The following BZW2 variants were observed in gnomAD, a reference collection of about 807,000 sequenced individuals.
BZW2 encodes the protein basic leucine zipper and W2 domains 2, also known as eIF5-mimic protein 1.
Under a neutral mutation model 53.2 loss-of-function variants are expected in BZW2, and 23 were observed. That is an observed-to-expected ratio of 0.43 (90% CI 0.31 to 0.61). BZW2 has a LOEUF of 0.61. Among genes scored for constraint, BZW2 ranks in the 20% least tolerant of loss-of-function variants. The pLI is 0.09. For synonymous variants in BZW2, 227 were observed against 186.4 expected, an observed-to-expected ratio of 1.22 and a Z score of -1.77; for missense variants, 409 against 503.1, an observed-to-expected ratio of 0.81 and a Z score of 1.79.
chr7:16,701,747 G>T (rs1287066636), intron 10 of BZW2, among the ~76,000 whole-genome samples: 1 of 151,988 alleles, frequency 6.6e-6, no homozygotes, highest in Non-Finnish European at 1.5e-5. Context: ...GTGTTGAATC[G>T]ATACTATAGG....
intron 2 of BZW2, 93 bp from the exon 3 acceptor site, chr7:16,674,319 C>G (rs777968073): frequency 3.0e-6 from 3 of 993,658 alleles, no homozygotes; most frequent in Non-Finnish European, 4.2e-6. Context: ...TTTTTTTTTC[C>G]TATCTTAGAT....
intron 2 of BZW2, among the ~76,000 whole-genome samples, chr7:16,672,574 G>C (rs958402891): frequency 6.6e-6 from 1 of 151,704 alleles, no homozygotes; most frequent in Non-Finnish European, 1.5e-5. Context: ...TGAAGTTTTG[G>C]GTTCATCCTT....
chr7:16,691,063 A>G (rs1302481475), intron 7 of BZW2, among the ~76,000 whole-genome samples: 3 of 152,242 alleles, frequency 2.0e-5, no homozygotes, highest in African/African-American at 7.2e-5. Context: ...AATACTTGCA[A>G]TTTAAATCAC....
At chr7:16,669,527 GTA>G (rs1782537337) in intron 2 of BZW2, among the ~76,000 whole-genome samples, 1 of 152,164 alleles carries the variant, frequency 6.6e-6, no homozygotes. Flanking sequence ...GCAAATATGA[GTA>G]TGTGTATATA....
chr7:16,689,906 T>A lies in BZW2; in HGVS notation c.651T>A (p.Leu217=). Residue 217 remains leucine, a splice_region_variant and synonymous_variant, in exon 7 of 12, where the codon CTT becomes CTA. Coordinates refer to ENST00000258761, the MANE Select transcript of BZW2 (RefSeq NM_014038.3). ...AAGCCAACTTAGACAAGAGGCTGCT[T>A]GTAAGTGTTTTCTGGTTAAAGAGTT... ...LRKANLDKRL[L]ELFPVNRQSV... 2 of 1,607,594 alleles carry A rather than the reference T, an allele frequency of 1.2e-6. No individual in the cohort carries two copies. Among genetic ancestry groups the A allele is most frequent in the South Asian group, 2.2e-5 (2 of 90,042 alleles).
intron 2 of BZW2, among the ~76,000 whole-genome samples, chr7:16,666,828 T>C (rs1782443830): frequency 6.6e-6 from 1 of 152,160 alleles, no homozygotes; most frequent in African/African-American, 2.4e-5. Context: ...AAGGTCTTGC[T>C]ATGTTGTTGA....
rs757033515 is a variant in BZW2, at chr7:16,698,089, G to C, written c.1011G>C (p.Gln337His). ...PLLAVFSSQG[Q>H]SELILLQKVQ... The stretch of plus-strand genomic sequence containing the variant: ...TGGCCGTGTTCAGCTCCCAAGGCCA[G>C]TCAGAGCTGATCCTCCTCCAGAAGG... The change falls in exon 10 of 12, where the codon CAG becomes CAC. Residue 337 changes from glutamine to histidine, a missense_variant. This residue lies in a region of BZW2 where 88 missense variants were observed against 114.6 expected (regional missense o/e 0.77). Transcript: ENST00000258761. 1.2e-6 allele frequency: 2 copies of C among 1,614,068 alleles called. No individual in the cohort carries two copies. Among genetic ancestry groups the C allele is most frequent in the Non-Finnish European group, 1.7e-6 (2 of 1,180,018 alleles).
chr7:16,689,780 CT>C lies in BZW2; in HGVS notation c.542-13del. The C allele has an allele frequency of 6.3e-7, 1 of 1,588,062 alleles. No homozygotes were observed. Among genetic ancestry groups the C allele is most frequent in the Non-Finnish European group, 8.6e-7 (1 of 1,164,260 alleles). On this transcript the variant is annotated splice_polypyrimidine_tract_variant and intron_variant, in intron 6 of 11. Coordinates refer to ENST00000258761, the MANE Select transcript of BZW2 (RefSeq NM_014038.3). ...TTGCTCGTAAAAGGAATGAAATTCT[CT>C]TTTGTTTTTCAACAGGCATTGCGGC...
chr7:16,671,144 T>C (rs1340910010), intron 2 of BZW2, among the ~76,000 whole-genome samples: 1 of 152,216 alleles, frequency 6.6e-6, no homozygotes, highest in East Asian at 1.9e-4. Flanking sequence ...ATGCCTTTTC[T>C]ACTATGGAAA....
chr7:16,674,605 C>T lies in BZW2; in HGVS notation c.235+17C>T, dbSNP rs143752887. ...GTATGCTTGGTAAACCATGCATTAT[C>T]GCTTCTTGTAGTATATTTATATATT... On this transcript the variant is annotated intron_variant, in intron 3 of 11. Transcript: ENST00000258761. The T allele has an allele frequency of 1.9e-5, 29 of 1,537,102 alleles. No homozygotes were observed. The Admixed American group carries it at 2.8e-4, about 15-fold the overall frequency.
chr7:16,690,487 G>C (rs1783267668), intron 7 of BZW2, among the ~76,000 whole-genome samples: 1 of 152,074 alleles, frequency 6.6e-6, no homozygotes, highest in Non-Finnish European at 1.5e-5. Context: ...TTATAGGCGT[G>C]AGCCACCACA....
At chr7:16,685,876 C>CTTTTTTTTTTTTTTTTTTTTTT (rs34699573) in intron 5 of BZW2, 29 bp from the exon 6 acceptor site, 107 of 1,294,572 alleles carry the variant, frequency 8.3e-5, no homozygotes, top group Admixed American at 3.5e-4. Context: ...TTTTCTTTTT[C>CTTTTTTTTTTTTTTTTTTTTTT]TTTTTTTTTT....
chr7:16,656,989 A>G (rs977370519), intron 1 of BZW2, among the ~76,000 whole-genome samples: 4 of 152,080 alleles, frequency 2.6e-5, no homozygotes. Flanking sequence ...ATCATAGTGA[A>G]TCTCCCCTGC....
chr7:16,648,728 A>G (rs1583694465), intron 1 of BZW2, among the ~76,000 whole-genome samples: 1 of 151,768 alleles, frequency 6.6e-6, no homozygotes, highest in South Asian at 2.1e-4. Context: ...TAAGGTCACC[A>G]CTCTGCTTGT....
At chr7:16,703,156 GA>G (rs1252849251) in intron 10 of BZW2, among the ~76,000 whole-genome samples, 5 of 152,064 alleles carry the variant, frequency 3.3e-5, no homozygotes, top group African/African-American at 1.2e-4. Flanking sequence ...TGGAGAGCTG[GA>G]AACAAAGAGC....
chr7:16,661,317 G>C (rs1782253762), intron 1 of BZW2: 1 of 152,114 alleles, frequency 6.6e-6, no homozygotes. Flanking sequence ...TCCCAGGTAA[G>C]ACTGATCAGT....
At chr7:16,661,233 C>A (rs1019915603) in intron 1 of BZW2, 2 of 152,104 alleles carry the variant, frequency 1.3e-5, no homozygotes, top group Non-Finnish European at 2.9e-5. Context: ...CAGTCATTCC[C>A]TTGTAGGGAC....
chr7:16,687,226 A>G (rs558723558), intron 6 of BZW2: 10 of 152,322 alleles, frequency 6.6e-5, no homozygotes, highest in African/African-American at 1.9e-4. Context: ...GATGGTGGGC[A>G]TGTGAATGTT....
intron 1 of BZW2, among the ~76,000 whole-genome samples, chr7:16,660,248 A>C (rs1460785881): frequency 2.0e-5 from 3 of 151,910 alleles, no homozygotes; most frequent in Non-Finnish European, 4.4e-5. Flanking sequence ...CCCTGTCTCT[A>C]TCAAAATATA....
Sources: allele counts gnomAD v4.1 joint callset (sites outside exome capture counted in the v4.1 genomes callset), GRCh38; gene constraint gnomAD v4.1.1; regional missense constraint gnomAD v4.1.1; transcripts MANE v1.5; gene names NCBI Gene and HGNC (gene_info 2026-07-23, HGNC 2026-07-21).